CACNA1C: variants seen among roughly 807,000 people sequenced by gnomAD.
CACNA1C encodes voltage-dependent L-type calcium channel subunit alpha-1C.
CACNA1C carries 30 observed loss-of-function variants against 229.0 expected under a neutral mutation model. That is an observed-to-expected ratio of 0.13 (90% CI 0.10 to 0.18). The LOEUF is 0.18. Among genes scored for constraint, CACNA1C ranks in the 10% least tolerant of loss-of-function variants. The pLI, the probability that CACNA1C is intolerant of heterozygous loss-of-function variation, is 1.00. For missense variants in CACNA1C, 1,658 were observed against 2,845.0 expected (o/e 0.58, Z 9.49); for synonymous variants, 1,114 against 1,132.5 (o/e 0.98, Z 0.33).
intron 3 of CACNA1C, among the ~76,000 whole-genome samples, chr12:2,337,867 T>A (rs548098627): frequency 2.2e-4 from 34 of 152,300 alleles, no homozygotes; most frequent in African/African-American, 7.9e-4. Context: ...AAGCCTGTGG[T>A]GACCACGCCT....
At chr12:2,298,847 A>C (rs1446827198) in intron 3 of CACNA1C, among the ~76,000 whole-genome samples, 1 of 151,798 alleles carries the variant, frequency 6.6e-6, no homozygotes, top group Non-Finnish European at 1.5e-5. Flanking sequence ...CTCCCAGCCC[A>C]CCCTTCTGTG....
rs560467484 is a variant in CACNA1C, at chr12:2,054,958, C to G, written c.49+1347C>G. On this transcript the variant is annotated intron_variant, in intron 1 of 46. Transcript: ENST00000399655. The surrounding 1 kb of genome is among the most constrained non-coding windows in gnomAD (Gnocchi z 5.5). The stretch of plus-strand genomic sequence containing the variant: ...ACCTTTTGGGGACAGGGCCTTCACT[C>G]TTTAGAGCCAGAAGCTGCCATCCAG... 6.6e-6 allele frequency among the ~76,000 whole-genome samples: 1 copy of G among 152,244 alleles called. No individual in the cohort carries two copies. Among genetic ancestry groups the G allele is most frequent in the Non-Finnish European group, 1.5e-5 (1 of 68,042 alleles).
Position 2,595,880 on chromosome 12 carries a change from C to T in CACNA1C, c.2670C>T (p.Arg890=), listed in dbSNP as rs778866775. The T allele has an allele frequency of 5.0e-6, 8 of 1,613,392 alleles. No homozygotes were observed. In the Admixed American group the frequency reaches 1.2e-4, roughly 24 times the overall value. ...FFIFSSNNRF[R]LQCHRIVNDT... ...TGTCCCCTCTCCCGTACAGGTTTCG[C>T]CTCCAGTGCCACCGCATTGTCAATG... Residue 890 remains arginine, a synonymous_variant, in exon 20 of 47, where the codon CGC becomes CGT. Transcript: ENST00000399655. This position sits in a 1 kb window ranked among gnomAD's most constrained non-coding sequence, Gnocchi z 4.1.
chr12:2,543,309 A>AG (rs1318163401), intron 9 of CACNA1C, among the ~76,000 whole-genome samples: 1 of 152,216 alleles, frequency 6.6e-6, no homozygotes, highest in Non-Finnish European at 1.5e-5. Context: ...CTTCTAAGGA[A>AG]GTGAAGCAAG....
chr12:2,510,545 G>A (rs954294903), intron 8 of CACNA1C, among the ~76,000 whole-genome samples: 3 of 152,194 alleles, frequency 2.0e-5, no homozygotes, highest in Non-Finnish European at 2.9e-5. Flanking sequence ...AGGCCTTGGG[G>A]TATAGATGGT....
In CACNA1C at chr12:2,129,921, G is replaced by C. The variant is rs532121198; in HGVS notation, c.477+9491G>C. 6.6e-5 allele frequency among the ~76,000 whole-genome samples: 10 copies of C among 152,308 alleles called. No homozygotes were observed. In the East Asian group the frequency reaches 1.7e-3, roughly 26 times the overall value. On this transcript the variant is annotated intron_variant, in intron 3 of 46. Transcript: ENST00000399655. ...GTTATGTGCAAAGTTAGAGTAAATAGATCCTGATTGAGGACCTATGGGGCT... is the reference window on the plus strand; with the variant it reads ...GTTATGTGCAAAGTTAGAGTAAATACATCCTGATTGAGGACCTATGGGGCT...
intron 3 of CACNA1C, among the ~76,000 whole-genome samples, chr12:2,409,830 C>T (rs534983199): frequency 6.6e-6 from 1 of 152,322 alleles, no homozygotes; most frequent in Admixed American, 6.5e-5. Context: ...ACGCAGGGCC[C>T]GCTGCCCAGC....
intron 8 of CACNA1C, among the ~76,000 whole-genome samples, chr12:2,510,422 A>G (rs1449684553): frequency 6.6e-6 from 1 of 151,592 alleles, no homozygotes; most frequent in Non-Finnish European, 1.5e-5. Flanking sequence ...TCCCTCTCAC[A>G]CTCCCAAAAC....
At chr12:2,687,299 T>G (rs1170353328) in intron 45 of CACNA1C, among the ~76,000 whole-genome samples, 1 of 152,232 alleles carries the variant, frequency 6.6e-6, no homozygotes, top group African/African-American at 2.4e-5. Flanking sequence ...CTATCTGTTC[T>G]TGTCGTACTG....
At chr12:2,295,835 G>C (rs528208870) in intron 3 of CACNA1C, among the ~76,000 whole-genome samples, 4 of 152,312 alleles carry the variant, frequency 2.6e-5, no homozygotes, top group Non-Finnish European at 4.4e-5. Flanking sequence ...CCAGTGTTCT[G>C]CTTCTTGGCC....
intron 10 of CACNA1C, 39 bp downstream of exon 10, chr12:2,550,072 C>T (rs770106579): frequency 1.5e-5 from 21 of 1,356,338 alleles, no homozygotes; most frequent in Non-Finnish European, 2.1e-5. Context: ...GGGGCTTTTT[C>T]TGGAGCATGG....
chr12:2,454,491 C>T (rs6489371), intron 4 of CACNA1C, among the ~76,000 whole-genome samples: 121,988 of 152,144 alleles, frequency 0.8, 49,764 homozygotes, highest in African/African-American at 0.95. Context: ...CCAGCTCAGA[C>T]GCCATGTGCC....
At chr12:2,487,683 T>G (rs886365277) in intron 6 of CACNA1C, among the ~76,000 whole-genome samples, 1 of 151,968 alleles carries the variant, frequency 6.6e-6, no homozygotes, top group African/African-American at 2.4e-5. Context: ...AAATAAACTA[T>G]CCTGTTTTCA....
intron 4 of CACNA1C, among the ~76,000 whole-genome samples, chr12:2,454,398 C>T (rs1481499363): frequency 6.6e-6 from 1 of 152,080 alleles, no homozygotes; most frequent in Admixed American, 6.5e-5. Flanking sequence ...TTTCCGGTCC[C>T]CTCCCTCTCT....
In CACNA1C at chr12:2,325,274, G is replaced by T. The variant is rs1016197620; in HGVS notation, c.478-123702G>T. On this transcript the variant is annotated intron_variant, in intron 3 of 46. Transcript: ENST00000399655. Reference sequence around the variant, plus strand: ...TCTCGAGACCCATTTCCTCTGAGCTGCTCTCACATTGGAAAATTATCCAAG... The same window carrying T: ...TCTCGAGACCCATTTCCTCTGAGCTTCTCTCACATTGGAAAATTATCCAAG... Among the ~76,000 whole-genome samples the T allele has an allele frequency of 3.3e-5, 5 of 152,158 alleles. No homozygotes were observed. In the South Asian group the frequency reaches 8.3e-4, roughly 25 times the overall value.
chr12:2,530,686 C>CT (rs1436196526), intron 9 of CACNA1C, among the ~76,000 whole-genome samples: 1 of 152,186 alleles, frequency 6.6e-6, no homozygotes, highest in African/African-American at 2.4e-5. Context: ...ATGCAGCTCT[C>CT]TTTTTTCCAG....
At position 2,319,822 on chromosome 12, in the gene CACNA1C, GTA is replaced by G. The variant is rs1344295588; in HGVS notation, c.478-129152_478-129151del. Among the ~76,000 whole-genome samples the G allele has an allele frequency of 6.6e-6, 1 of 152,066 alleles. No individual in the cohort carries two copies. Among genetic ancestry groups the G allele is most frequent in the Non-Finnish European group, 1.5e-5 (1 of 68,010 alleles). On this transcript the variant is annotated intron_variant, in intron 3 of 46. Transcript: ENST00000399655. The surrounding 1 kb of genome is among the most constrained non-coding windows in gnomAD (Gnocchi z 4.0). ...GCTGGACCCTGAAAGAGCCTGCCAG[GTA>G]TCCCCTTCTAGCAGGAGGGGCCCCC...
Position 2,446,199 on chromosome 12 carries a change from G to GTGGATGGATGGATGGA in CACNA1C, c.478-2757_478-2742dup, listed in dbSNP as rs1173010543. On this transcript the variant is annotated intron_variant, in intron 3 of 46. Transcript: ENST00000399655. ...TGGATGGATATATGTAGGTGGGTGG[G>GTGGATGGATGGATGGA]TGGATGGATGGATGGATGGATGGAT... 6.9e-4 allele frequency among the ~76,000 whole-genome samples: 94 copies of GTGGATGGATGGATGGA among 137,014 alleles called. 1 individual carries two copies. The highest frequency in any genetic ancestry group is 2.4e-3 in the African/African-American group (87 of 35,936). 89.9% of individuals were successfully genotyped at this position (137,014 alleles called of 152,430 possible). A position where few individuals can be genotyped will look rare whatever the true frequency, so the allele number is the denominator to read the frequency against.
At chr12:2,550,497 G>A (rs1028073011) in intron 10 of CACNA1C, 9 of 1,323,072 alleles carry the variant, frequency 6.8e-6, no homozygotes, top group Non-Finnish European at 9.0e-6. Context: ...TGTTCTGGGA[G>A]ATGACTGGCA....
Sources: allele counts gnomAD v4.1 joint callset (sites outside exome capture counted in the v4.1 genomes callset), GRCh38; gene constraint gnomAD v4.1.1; non-coding constraint Gnocchi (gnomAD v3.1); transcripts MANE v1.5; gene names NCBI Gene and HGNC (gene_info 2026-07-23, HGNC 2026-07-21).